FMO3: variants seen among roughly 807,000 people sequenced by gnomAD.
FMO3 encodes flavin-containing monooxygenase 3.
FMO3 carries 40 observed loss-of-function variants against 39.4 expected under a neutral mutation model. The ratio of observed to expected loss-of-function variants is 1.02; its 90% CI spans 0.79 to 1.32. The LOEUF (loss-of-function observed/expected upper bound fraction) is 1.32, where lower values mean the gene tolerates loss of function less well. FMO3 is among the 40% of genes most tolerant of loss of function. The pLI, the probability that FMO3 is intolerant of heterozygous loss-of-function variation, is 0.00. For missense variants in FMO3, 680 were observed against 651.8 expected, an observed-to-expected ratio of 1.04 and a Z score of -0.47; for synonymous variants, 219 against 228.8, an observed-to-expected ratio of 0.96 and a Z score of 0.39.
rs28363578 is a variant in FMO3 at position 171,113,509 on chromosome 1, G to A, written c.828-498G>A. 2.1e-3 allele frequency among the ~76,000 whole-genome samples: 325 copies of A among 152,150 alleles called. 2 individuals carry two copies. Among genetic ancestry groups the A allele is most frequent in the African/African-American group, 7.2e-3 (300 of 41,500 alleles). ...ATTAAGAATAACAGTTAACATTTTC[G>A]AGCTCCATGCATATGCTAGAGACTG... On this transcript the variant is annotated intron_variant, in intron 6 of 8. Transcript: ENST00000367755.
Position 171,111,088 on chromosome 1 carries a change from A to G in FMO3, c.827+91A>G, listed in dbSNP as rs956149238. 6 of 984,650 alleles carry G rather than the reference A, an allele frequency of 6.1e-6. No individual in the cohort carries two copies. In the African/African-American group the frequency reaches 9.6e-5, roughly 16 times the overall value. The allele number at this position is 984,650 out of a possible 1,614,324, so 61.0% of individuals were successfully genotyped here. On this transcript the variant is annotated intron_variant, in intron 6 of 8. Coordinates refer to ENST00000367755, the MANE Select transcript of FMO3 (RefSeq NM_001002294.3). ...CTGTAAGCCCAAAACAAATCAAAGTATTAGCAATCACAACTCATATATCAG... is the reference window on the plus strand; with the variant it reads ...CTGTAAGCCCAAAACAAATCAAAGTGTTAGCAATCACAACTCATATATCAG...
At chr1:171,096,748 A>G (rs954603335) in intron 2 of FMO3, among the ~76,000 whole-genome samples, 1 of 138,450 alleles carries the variant, frequency 7.2e-6, no homozygotes, top group Non-Finnish European at 1.5e-5. Flanking sequence ...AATTAATATA[A>G]TTATATTAAA....
chr1:171,105,630 T>TAA (rs557166351), intron 3 of FMO3, among the ~76,000 whole-genome samples: 1 of 146,600 alleles, frequency 6.8e-6, no homozygotes, highest in Non-Finnish European at 1.5e-5. Context: ...TAAAGTATAA[T>TAA]AAAAAAAAAA....
intron 2 of FMO3, chr1:171,099,767 T>G: frequency 6.7e-6 from 1 of 149,172 alleles, no homozygotes; most frequent in South Asian, 2.1e-4. Context: ...TTCTTTTTTT[T>G]TTTTTTTTTT....
chr1:171,111,067 A>G lies in FMO3; in HGVS notation c.827+70A>G, dbSNP rs934538438. 1.3e-4 allele frequency: 157 copies of G among 1,236,014 alleles called. 1 individual carries two copies. Among genetic ancestry groups the G allele is most frequent in the Non-Finnish European group, 1.8e-4 (150 of 837,866 alleles). The allele number at this position is 1,236,014 out of a possible 1,614,324, so 76.6% of individuals were successfully genotyped here. On this transcript the variant is annotated intron_variant, in intron 6 of 8. Coordinates refer to ENST00000367755, the MANE Select transcript of FMO3 (RefSeq NM_001002294.3). ...GTGTCAACAACCCTTAATGTCCTGT[A>G]AGCCCAAAACAAATCAAAGTATTAG...
chr1:171,117,306 C>A lies in FMO3; in HGVS notation c.1463C>A (p.Thr488Asn). ...QWPGARNAILTQWDRSLKPMQ... is the reference protein window; with the variant it reads ...QWPGARNAILNQWDRSLKPMQ... ...CCAGGAGCCAGAAATGCCATACTGA[C>A]CCAGTGGGACCGGTCGTTGAAACCC... Residue 488 changes from threonine (T) to asparagine (N), a missense_variant, in exon 9 of 9, where the codon ACC (threonine) becomes AAC (asparagine). Physicochemically the swap from Thr to Asn is moderately conservative, Grantham distance 65. Coordinates refer to ENST00000367755, the MANE Select transcript of FMO3 (RefSeq NM_001002294.3). 1 of 1,614,118 alleles carries A rather than the reference C, an allele frequency of 6.2e-7. No homozygotes were observed. The highest frequency in any genetic ancestry group is 8.5e-7 in the Non-Finnish European group (1 of 1,179,958).
intron 1 of FMO3, among the ~76,000 whole-genome samples, chr1:171,091,489 T>C (rs192055111): frequency 2.6e-5 from 4 of 151,712 alleles, no homozygotes; most frequent in East Asian, 1.9e-4. Flanking sequence ...CTAAAGACAG[T>C]GTCAGGAACA....
chr1:171,107,519 T>C (rs549405771), intron 3 of FMO3, among the ~76,000 whole-genome samples, 156 bp from the exon 4 acceptor site: 50 of 152,340 alleles, frequency 3.3e-4, no homozygotes, highest in Non-Finnish European at 6.8e-4. Context: ...CAGATACCAT[T>C]TAGTGTTTTG....
Position 171,114,068 on chromosome 1 carries a change from G to A in FMO3, c.889G>A (p.Val297Met). The change falls in exon 7 of 9, where the codon GTG (valine) becomes ATG (methionine). Residue 297 changes from valine (V) to methionine (M), a missense_variant. Coordinates refer to ENST00000367755, the MANE Select transcript of FMO3 (RefSeq NM_001002294.3). ...ELPASILCGIVSVKPNVKEFT... is the reference protein window; with the variant it reads ...ELPASILCGIMSVKPNVKEFT... The stretch of plus-strand genomic sequence containing the variant: ...CCCAGCAAGCATTCTGTGTGGCATT[G>A]TGTCCGTAAAGCCTAACGTGAAGGA... 1 of 1,613,410 alleles carries A rather than the reference G, an allele frequency of 6.2e-7. No individual in the cohort carries two copies. The highest frequency in any genetic ancestry group is 2.2e-5 in the East Asian group (1 of 44,866).
At chr1:171,093,631 G>A (rs938813950) in intron 2 of FMO3, among the ~76,000 whole-genome samples, 1 of 151,778 alleles carries the variant, frequency 6.6e-6, no homozygotes, top group Admixed American at 6.6e-5. Flanking sequence ...TATTGTGAAT[G>A]GTGCTGCGAT....
At chr1:171,101,252 TG>T in intron 2 of FMO3, 1 of 456,156 alleles carries the variant, frequency 2.2e-6, no homozygotes, top group South Asian at 1.5e-5. Context: ...GATTCCCGAC[TG>T]CTGACTTCTA....
rs1404937198 is a variant in FMO3, at chr1:171,096,030, A to AT, written c.132+3241dup. ...TAATATACATATTATATATTAATAT[A>AT]TAATATATATTATATATAAATATAT... On this transcript the variant is annotated intron_variant, in intron 2 of 8. Transcript: ENST00000367755. Among the ~76,000 whole-genome samples, 9 of 60,006 alleles carry AT rather than the reference A, an allele frequency of 1.5e-4. No individual in the cohort carries two copies. The East Asian group carries it at 1.6e-3, about 10-fold the overall frequency. The allele number at this position is 60,006 out of a possible 152,430, so 39.4% of individuals were successfully genotyped here. A position where few individuals can be genotyped will look rare whatever the true frequency, so the allele number is the denominator to read the frequency against.
At position 171,096,068 on chromosome 1, in the gene FMO3, A is replaced by G. The variant is rs1272582059; in HGVS notation, c.132+3278A>G. Among the ~76,000 whole-genome samples, 10 of 65,132 alleles carry G rather than the reference A, an allele frequency of 1.5e-4. No homozygotes were observed. In the East Asian group the frequency reaches 4.4e-3, roughly 29 times the overall value. 42.7% of individuals were successfully genotyped at this position (65,132 alleles called of 152,430 possible). On this transcript the variant is annotated intron_variant, in intron 2 of 8. Transcript: ENST00000367755. ...TATATAAATATATAATATATATTAT[A>G]TATTAATATATAATATATATTAATA...
chr1:171,103,892 C>G lies in FMO3; in HGVS notation c.240C>G (p.Asn80Lys), dbSNP rs759312959. The change falls in exon 3 of 9, where the codon AAC becomes AAG. Residue 80 changes from asparagine to lysine, a missense_variant. Transcript: ENST00000367755. ...TCCCATTTCCCGATGACTTCCCCAA[C>G]TTTATGCACAACAGCAAGATCCAGG... is the stretch of plus-strand genomic sequence containing the variant. ...PDFPFPDDFPNFMHNSKIQEY... is the reference protein window; with the variant it reads ...PDFPFPDDFPKFMHNSKIQEY... 1.2e-6 allele frequency: 2 copies of G among 1,613,908 alleles called. No individual in the cohort carries two copies.
intron 8 of FMO3, among the ~76,000 whole-genome samples, chr1:171,116,769 T>C (rs1656171211): frequency 6.6e-6 from 1 of 152,178 alleles, no homozygotes; most frequent in Non-Finnish European, 1.5e-5. Flanking sequence ...GGCCATGAAC[T>C]ATTATAGAAG....
intron 2 of FMO3, among the ~76,000 whole-genome samples, chr1:171,102,996 AT>A (rs1220114476): frequency 6.6e-6 from 1 of 152,168 alleles, no homozygotes; most frequent in African/African-American, 2.4e-5. Flanking sequence ...TCTAAGGTTA[AT>A]TTTTTAAAAA....
intron 8 of FMO3, among the ~76,000 whole-genome samples, chr1:171,116,506 G>T (rs1736559): frequency 0.065 from 9,923 of 152,222 alleles, 410 homozygotes; most frequent in East Asian, 0.19. Context: ...ATAGGATTGA[G>T]AATCTACATT....
Position 171,108,116 on chromosome 1 carries a change from G to T in FMO3, c.522G>T (p.Arg174Ser), listed in dbSNP as rs752515583. The change falls in exon 5 of 9, where the codon AGG becomes AGT. Residue 174 changes from arginine (R) to serine (S), a missense_variant. Arg to Ser is a moderately radical substitution (Grantham distance 110). Coordinates refer to ENST00000367755, the MANE Select transcript of FMO3 (RefSeq NM_001002294.3). ...NHFKGKCFHS[R>S]DYKEPGVFNG... is the part of the protein sequence containing the mutation. ...TTAAAGGCAAATGCTTCCACAGCAG[G>T]GACTATAAAGAACCAGGTGTATTCA... The T allele has an allele frequency of 3.2e-5, 52 of 1,613,628 alleles. No individual in the cohort carries two copies. Among genetic ancestry groups the T allele is most frequent in the Non-Finnish European group, 4.0e-5 (47 of 1,179,878 alleles).
chr1:171,105,736 A>C (rs990332059), intron 3 of FMO3, among the ~76,000 whole-genome samples: 1 of 152,160 alleles, frequency 6.6e-6, no homozygotes, highest in Non-Finnish European at 1.5e-5. Context: ...AACCTGTTAT[A>C]GGCAGAAAAC....
Sources: gnomAD v4.1 joint callset for allele counts (sites outside exome capture counted in the v4.1 genomes callset) on GRCh38, gnomAD v4.1.1 for gene constraint, MANE v1.5 for transcripts, NCBI Gene and HGNC (gene_info 2026-07-23, HGNC 2026-07-21) for gene names.